Variants in RHBDL3 observed in about 807,000 individuals in gnomAD.
RHBDL3 encodes rhomboid-related protein 3.
In RHBDL3, 28 loss-of-function variants were observed where a neutral mutation model predicts 48.2. The observed-to-expected ratio is 0.58, with a 90% CI of 0.43 to 0.80. The LOEUF (loss-of-function observed/expected upper bound fraction) is 0.80, where lower values mean the gene tolerates loss of function less well. Ranked by LOEUF, RHBDL3 falls within the 30% of genes least tolerant of loss-of-function variation. The pLI, the probability that RHBDL3 is intolerant of heterozygous loss-of-function variation, is 0.00. For synonymous variants in RHBDL3, 208 were observed against 232.3 expected (o/e 0.90, Z 0.95); for missense variants, 464 against 542.7 (o/e 0.85, Z 1.44).
At position 32,321,199 on chromosome 17, in the gene RHBDL3, G is replaced by A. The variant is rs557959771; in HGVS notation, c.1185G>A (p.Leu395=). The A allele has an allele frequency of 1.9e-6, 3 of 1,614,222 alleles. No homozygotes were observed. Among genetic ancestry groups the A allele is most frequent in the South Asian group, 2.2e-5 (2 of 91,084 alleles). Residue 395 remains leucine, a synonymous_variant, in exon 9 of 9, where the codon CTG becomes CTA. Coordinates refer to ENST00000269051, the MANE Select transcript of RHBDL3 (RefSeq NM_138328.3). ...AVFWNIFAYT[L]LDLKLPPPP is the part of the protein sequence containing the mutation. ...TCTGGAACATCTTTGCCTACACCCT[G>A]CTGGACTTAAAGCTGCCGCCTCCCC... is the stretch of plus-strand genomic sequence containing the variant.
rs112764110 is a variant in RHBDL3, at chr17:32,321,465, C to T, written c.*236C>T. 486 of 1,201,212 alleles carry T rather than the reference C, an allele frequency of 4.0e-4. 4 individuals carry two copies. In the African/African-American group the frequency reaches 6.0e-3, roughly 15 times the overall value. The allele number at this position is 1,201,212 out of a possible 1,614,324, so 74.4% of individuals were successfully genotyped here. On this transcript the variant is annotated 3_prime_UTR_variant, in exon 9 of 9. Transcript: ENST00000269051. The stretch of plus-strand genomic sequence containing the variant: ...TTTTTCTCGGCTGCTCTGATGACAT[C>T]GGGCCAGGGTGAAGGTCTGGGGTGG...
intron 7 of RHBDL3, among the ~76,000 whole-genome samples, chr17:32,308,265 T>G (rs1156293403): frequency 2.0e-5 from 3 of 152,146 alleles, no homozygotes; most frequent in Admixed American, 6.5e-5. Context: ...CCCCAGAGCA[T>G]GACACATGGG....
chr17:32,291,497 G>A (rs167298), intron 4 of RHBDL3, among the ~76,000 whole-genome samples: 81,132 of 151,248 alleles, frequency 0.54, 23,626 homozygotes, highest in African/African-American at 0.78. Flanking sequence ...CCTGGGCAAC[G>A]TGGTAAAACC....
chr17:32,287,957 C>T (rs1383160193), intron 3 of RHBDL3, among the ~76,000 whole-genome samples: 4 of 152,208 alleles, frequency 2.6e-5, no homozygotes, highest in Non-Finnish European at 5.9e-5. Flanking sequence ...CAGAGCTCTA[C>T]CCAGTATGTG....
chr17:32,276,516 C>T (rs1296676212), intron 2 of RHBDL3, among the ~76,000 whole-genome samples: 1 of 152,152 alleles, frequency 6.6e-6, no homozygotes, highest in Non-Finnish European at 1.5e-5. Flanking sequence ...TCTGCTGAAC[C>T]ACAAACCCCT....
intron 2 of RHBDL3, among the ~76,000 whole-genome samples, chr17:32,269,201 A>T (rs1395728433): frequency 1.3e-5 from 2 of 152,216 alleles, no homozygotes; most frequent in African/African-American, 4.8e-5. Flanking sequence ...TTAAAAAATC[A>T]GCCAGGCATG....
intron 6 of RHBDL3, among the ~76,000 whole-genome samples, chr17:32,300,062 A>C (rs1340721754): frequency 6.6e-6 from 1 of 152,218 alleles, no homozygotes; most frequent in Non-Finnish European, 1.5e-5. Context: ...CGAGGTGGGC[A>C]CTGCTGCTCT....
chr17:32,273,887 A>G (rs2039833711), intron 2 of RHBDL3, among the ~76,000 whole-genome samples: 1 of 152,060 alleles, frequency 6.6e-6, no homozygotes, highest in Non-Finnish European at 1.5e-5. Flanking sequence ...AGGCGTGTGC[A>G]ATCACACCTG....
rs796579866 is a variant in RHBDL3, at chr17:32,301,405, CA to C, written c.781+3214del. 4.1e-3 allele frequency among the ~76,000 whole-genome samples: 496 copies of C among 121,250 alleles called. 2 individuals carry two copies. Among genetic ancestry groups the C allele is most frequent in the Middle Eastern group, 0.011 (2 of 190 alleles). 79.5% of individuals were successfully genotyped at this position (121,250 alleles called of 152,430 possible). ...AACATAGTGAGACCCCCATCTCTAC[CA>C]AAAAAAAAAAAATCAATATCACCAA... is the stretch of plus-strand genomic sequence containing the variant. On this transcript the variant is annotated intron_variant, in intron 6 of 8. Transcript: ENST00000269051.
chr17:32,293,827 G>C (rs1232999416), intron 4 of RHBDL3, among the ~76,000 whole-genome samples: 1 of 151,928 alleles, frequency 6.6e-6, no homozygotes, highest in East Asian at 1.9e-4. Flanking sequence ...TGGGTGAGGG[G>C]TGGTTAAAAG....
chr17:32,321,462 C>A lies in RHBDL3; in HGVS notation c.*233C>A. On this transcript the variant is annotated 3_prime_UTR_variant, in exon 9 of 9. Coordinates refer to ENST00000269051, the MANE Select transcript of RHBDL3 (RefSeq NM_138328.3). ...TCGTTTTTCTCGGCTGCTCTGATGA[C>A]ATCGGGCCAGGGTGAAGGTCTGGGG... is the stretch of plus-strand genomic sequence containing the variant. 1 of 1,236,056 alleles carries A rather than the reference C, an allele frequency of 8.1e-7. No homozygotes were observed. The highest frequency in any genetic ancestry group is 2.6e-5 in the East Asian group (1 of 38,032). The allele number at this position is 1,236,056 out of a possible 1,614,324, so 76.6% of individuals were successfully genotyped here.
Position 32,321,216 on chromosome 17 carries a change from C to T in RHBDL3, c.1202C>T (p.Pro401Leu), listed in dbSNP as rs1294396681. 3.7e-6 allele frequency: 6 copies of T among 1,614,072 alleles called. No homozygotes were observed. Among genetic ancestry groups the T allele is most frequent in the Admixed American group, 1.7e-5 (1 of 60,010 alleles). The stretch of plus-strand genomic sequence containing the variant: ...TACACCCTGCTGGACTTAAAGCTGC[C>T]GCCTCCCCCCTGAGGGCTGGAGGCC... ...FAYTLLDLKL[P>L]PPP The change falls in exon 9 of 9, where the codon CCG becomes CTG. Residue 401 changes from proline (P) to leucine (L), a missense_variant. By Grantham distance (98) the Pro-to-Leu change is moderately conservative. Transcript: ENST00000269051.
At chr17:32,279,809 C>A (rs1340133139) in intron 2 of RHBDL3, among the ~76,000 whole-genome samples, 1 of 152,138 alleles carries the variant, frequency 6.6e-6, no homozygotes, top group Non-Finnish European at 1.5e-5. Flanking sequence ...CAAGATGGCA[C>A]AACAGCTGCG....
chr17:32,286,425 A>G (rs1320708306), intron 3 of RHBDL3, among the ~76,000 whole-genome samples: 2 of 152,216 alleles, frequency 1.3e-5, no homozygotes, highest in African/African-American at 4.8e-5. Flanking sequence ...AGCTCTGAGT[A>G]GAGCAGAGAG....
chr17:32,284,386 A>C, intron 2 of RHBDL3: 1 of 376,016 alleles, frequency 2.7e-6, no homozygotes, highest in South Asian at 4.9e-5. Flanking sequence ...TTCCCTCTCC[A>C]TGGTGAGAGG....
chr17:32,270,375 G>A, intron 2 of RHBDL3, among the ~76,000 whole-genome samples: 1 of 151,778 alleles, frequency 6.6e-6, no homozygotes, highest in East Asian at 1.9e-4. Flanking sequence ...CTGTTTTCCA[G>A]GTGTTAGGGA....
chr17:32,293,496 C>G (rs912487392), intron 4 of RHBDL3, among the ~76,000 whole-genome samples: 3 of 151,484 alleles, frequency 2.0e-5, no homozygotes, highest in Admixed American at 2.0e-4. Flanking sequence ...GTAGGATAAT[C>G]GCTTGAACCC....
chr17:32,286,776 G>A (rs1393865460), intron 3 of RHBDL3, among the ~76,000 whole-genome samples: 2 of 152,196 alleles, frequency 1.3e-5, no homozygotes, highest in African/African-American at 4.8e-5. Context: ...CCGGGTAGTC[G>A]TGTATGAGTG....
intron 2 of RHBDL3, among the ~76,000 whole-genome samples, chr17:32,281,418 T>C (rs1205409384): frequency 2.0e-5 from 3 of 151,516 alleles, no homozygotes; most frequent in African/African-American, 4.9e-5. Context: ...CGCAAAGTCA[T>C]TGGGCTCCCT....
Sources: allele counts gnomAD v4.1 joint callset (sites outside exome capture counted in the v4.1 genomes callset), GRCh38; gene constraint gnomAD v4.1.1; transcripts MANE v1.5; gene names NCBI Gene and HGNC (gene_info 2026-07-23, HGNC 2026-07-21).